The following MYH15 variants were observed in gnomAD, a reference collection of about 807,000 sequenced individuals.
MYH15 encodes myosin heavy chain 15.
MYH15 carries 227 observed loss-of-function variants against 240.5 expected under a neutral mutation model. The observed-to-expected ratio is 0.94, with a 90% CI of 0.85 to 1.05. The LOEUF (loss-of-function observed/expected upper bound fraction) is 1.05, where lower values mean the gene tolerates loss of function less well. Ranked by LOEUF, MYH15 falls within the 50% of genes least tolerant of loss-of-function variation. The probability of loss-of-function intolerance (pLI) is 0.00; values close to 1 mark genes in which losing one functional copy is unlikely to be tolerated. For synonymous variants in MYH15, 785 were observed against 796.7 expected (o/e 0.99, Z 0.25); for missense variants, 2,217 against 2,247.5 (o/e 0.99, Z 0.27).
intron 27 of MYH15, among the ~76,000 whole-genome samples, chr3:108,423,384 G>A (rs1576224509): frequency 6.6e-6 from 1 of 152,186 alleles, no homozygotes; most frequent in South Asian, 2.1e-4. Flanking sequence ...GCACACCCAA[G>A]CTTGGTAGAA....
chr3:108,505,123 C>CT (rs1329831702), intron 2 of MYH15, among the ~76,000 whole-genome samples: 3 of 152,104 alleles, frequency 2.0e-5, no homozygotes, highest in Non-Finnish European at 2.9e-5. Flanking sequence ...CACAGGATAC[C>CT]TTTTTTTAAA....
In MYH15 at chr3:108,455,871, T is replaced by A; in HGVS notation, c.2139-12A>T. The A allele has an allele frequency of 6.2e-7, 1 of 1,606,550 alleles. No individual in the cohort carries two copies. The stretch of plus-strand genomic sequence containing the variant: ...TCAGAATGCAGTACCTAATTTAAAA[T>A]AAAGAAAAAATCATGAGTTTGGGAA... On this transcript the variant is annotated splice_polypyrimidine_tract_variant and intron_variant, in intron 19 of 40. Transcript: ENST00000693548.
chr3:108,489,554 G>A (rs190436790), intron 9 of MYH15, among the ~76,000 whole-genome samples: 2 of 152,268 alleles, frequency 1.3e-5, no homozygotes, highest in East Asian at 3.9e-4. Flanking sequence ...AAGGAGTGAA[G>A]GGGTGCTCAT....
At chr3:108,537,411 C>T in the MYH15 span, among the ~76,000 whole-genome samples, 2 of 152,016 alleles carry the variant, frequency 1.3e-5, no homozygotes, top group East Asian at 1.9e-4. Flanking sequence ...AATTTAATTG[C>T]CAATGTATTA....
Position 108,464,817 on chromosome 3 carries a change from G to A in MYH15, c.1555-3C>T, listed in dbSNP as rs2107583535. ...AGGATGGAAAGGATGCCCATTGGCT[G>A]TTGAAGAGACATAAGAGCAGCAGAT... On this transcript the variant is annotated splice_polypyrimidine_tract_variant and splice_region_variant and intron_variant, in intron 14 of 40. Coordinates refer to ENST00000693548, the MANE Select transcript of MYH15 (RefSeq NM_014981.3). 1 of 1,600,626 alleles carries A rather than the reference G, an allele frequency of 6.2e-7. No homozygotes were observed. Among genetic ancestry groups the A allele is most frequent in the Non-Finnish European group, 8.5e-7 (1 of 1,175,462 alleles).
chr3:108,430,991 G>A, intron 25 of MYH15, 69 bp from the exon 26 acceptor site: 1 of 1,041,490 alleles, frequency 9.6e-7, no homozygotes, highest in Non-Finnish European at 1.4e-6. Context: ...AGTTAGAATT[G>A]TAATATTCCT....
At chr3:108,476,346 A>T (rs1427346097) in intron 12 of MYH15, 51 bp downstream of exon 12, 1 of 1,144,102 alleles carries the variant, frequency 8.7e-7, no homozygotes, top group Admixed American at 1.7e-5. Flanking sequence ...CAATATATAT[A>T]CAATTATTGG....
At chr3:108,401,782 T>C (rs1167773433) in intron 33 of MYH15, among the ~76,000 whole-genome samples, 1 of 152,196 alleles carries the variant, frequency 6.6e-6, no homozygotes, top group Admixed American at 6.5e-5. Context: ...GTGAGATGGT[T>C]TAAAAGGCAT....
Position 108,399,822 on chromosome 3 carries a change from A to G in MYH15, c.4737-555T>C, listed in dbSNP as rs141019729. On this transcript the variant is annotated intron_variant, in intron 33 of 40. Transcript: ENST00000693548. ...CTCTAGGAGTTTGAGAGTACACCCA[A>G]GGATTGGCTGAGACAACCAATTGTG... Among the ~76,000 whole-genome samples the G allele has an allele frequency of 2.9e-4, 44 of 152,328 alleles. 1 individual carries two copies. In the East Asian group the frequency reaches 8.5e-3, roughly 29 times the overall value.
At chr3:108,416,274 G>A (rs1413182958) in intron 29 of MYH15, among the ~76,000 whole-genome samples, 2 of 152,158 alleles carry the variant, frequency 1.3e-5, no homozygotes, top group Admixed American at 6.5e-5. Flanking sequence ...TTAGTAATAA[G>A]ATGCCTTGAC....
At chr3:108,520,737 CTA>C (rs1338076062) in intron 1 of MYH15, among the ~76,000 whole-genome samples, 2 of 152,118 alleles carry the variant, frequency 1.3e-5, no homozygotes, top group African/African-American at 2.4e-5. Flanking sequence ...GGCTCTAGTG[CTA>C]TCTCTCCAGT....
chr3:108,395,196 G>A (rs1347254330), intron 35 of MYH15, among the ~76,000 whole-genome samples: 2 of 152,190 alleles, frequency 1.3e-5, no homozygotes, highest in Non-Finnish European at 2.9e-5. Context: ...TTGAGCCTGG[G>A]AGGCGGGGGT....
intron 24 of MYH15, among the ~76,000 whole-genome samples, chr3:108,438,407 T>A (rs2082859262): frequency 6.6e-6 from 1 of 152,228 alleles, no homozygotes; most frequent in African/African-American, 2.4e-5. Context: ...TATGGCTTTT[T>A]ATTTATTGAT....
At chr3:108,421,848 T>G (rs1037849141) in intron 27 of MYH15, among the ~76,000 whole-genome samples, 1 of 152,244 alleles carries the variant, frequency 6.6e-6, no homozygotes, top group African/African-American at 2.4e-5. Flanking sequence ...AATCTCAAGA[T>G]GACCCTGTTG....
At chr3:108,408,547 A>T in intron 31 of MYH15, 143 bp from the exon 32 acceptor site, 2 of 736,360 alleles carry the variant, frequency 2.7e-6, no homozygotes, top group Non-Finnish European at 4.1e-6. Context: ...CCTATATGGG[A>T]CCGAGAAATT....
intron 28 of MYH15, among the ~76,000 whole-genome samples, chr3:108,419,852 T>G (rs530920529): frequency 1.3e-5 from 2 of 151,926 alleles, no homozygotes; most frequent in East Asian, 4.2e-4. Context: ...GTGTGCCTCT[T>G]AAGCATCAAG....
Position 108,501,772 on chromosome 3 carries a change from G to A in MYH15, c.279C>T (p.His93=), listed in dbSNP as rs748931834. The change falls in exon 3 of 41, where the codon CAC becomes CAT. Residue 93 remains histidine (H), a synonymous_variant. Coordinates refer to ENST00000693548, the MANE Select transcript of MYH15 (RefSeq NM_014981.3). ...TATGCAGCACGGATGCCTCATTGAG[G>A]TGAGTCAGCATTGCCATGTCTTCAA... ...EMIEDMAMLT[H]LNEASVLHTL... is the part of the protein sequence containing the mutation. 4 of 1,614,118 alleles carry A rather than the reference G, an allele frequency of 2.5e-6. No individual in the cohort carries two copies. The highest frequency in any genetic ancestry group is 3.4e-6 in the Non-Finnish European group (4 of 1,179,984).
At chr3:108,483,823 G>T (rs892929891) in intron 11 of MYH15, among the ~76,000 whole-genome samples, 2 of 152,212 alleles carry the variant, frequency 1.3e-5, no homozygotes, top group Non-Finnish European at 2.9e-5. Context: ...TATGCTAAGT[G>T]AAATAAGCCA....
intron 12 of MYH15, among the ~76,000 whole-genome samples, chr3:108,471,836 A>C (rs2083180479): frequency 1.3e-5 from 2 of 152,202 alleles, no homozygotes; most frequent in African/African-American, 4.8e-5. Flanking sequence ...TATGCACAAT[A>C]GTTTGAAAAG....
Sources: gnomAD v4.1 joint callset for allele counts (sites outside exome capture counted in the v4.1 genomes callset) on GRCh38, gnomAD v4.1.1 for gene constraint, MANE v1.5 for transcripts, NCBI Gene and HGNC (gene_info 2026-07-23, HGNC 2026-07-21) for gene names.